TRIM71: variants seen among roughly 807,000 people sequenced by gnomAD.
The protein encoded by TRIM71 is tripartite motif containing 71.
A neutral mutation model predicts 61.2 loss-of-function variants in TRIM71; 9 were observed. The ratio of observed to expected loss-of-function variants is 0.15; its 90% CI spans 0.09 to 0.26. The LOEUF is 0.26. TRIM71 is among the 10% of genes least tolerant of loss of function. The probability of loss-of-function intolerance (pLI) is 1.00; values close to 1 mark genes in which losing one functional copy is unlikely to be tolerated. For synonymous variants in TRIM71, 645 were observed against 553.2 expected, an observed-to-expected ratio of 1.17 and a Z score of -2.33; for missense variants, 998 against 1,238.7, an observed-to-expected ratio of 0.81 and a Z score of 2.92.
At chr3:32,834,639 C>T (rs773723289) in intron 1 of TRIM71, among the ~76,000 whole-genome samples, 51 of 152,012 alleles carry the variant, frequency 3.4e-4, no homozygotes, top group Non-Finnish European at 5.4e-4. Flanking sequence ...GTCAAGAGAT[C>T]GAGACCATCC....
chr3:32,821,831 C>CG (rs1300092045), intron 1 of TRIM71, among the ~76,000 whole-genome samples: 1 of 151,534 alleles, frequency 6.6e-6, no homozygotes, highest in Non-Finnish European at 1.5e-5. Context: ...CGCCGCCGCC[C>CG]GGCCAGCCCG....
At chr3:32,826,267 T>C (rs961202471) in intron 1 of TRIM71, among the ~76,000 whole-genome samples, 1 of 152,114 alleles carries the variant, frequency 6.6e-6, no homozygotes, top group Non-Finnish European at 1.5e-5. Flanking sequence ...GAGACCAGCC[T>C]ACCAACATGG....
At chr3:32,884,922 G>A (rs563489099) in intron 2 of TRIM71, among the ~76,000 whole-genome samples, 5 of 152,222 alleles carry the variant, frequency 3.3e-5, no homozygotes, top group Non-Finnish European at 7.4e-5. Context: ...GGTTGGAGAG[G>A]ACCAGGAGCT....
rs1357515283 is a variant in TRIM71 at position 32,890,284 on chromosome 3, G to A, written c.1156-76G>A. ...TTTGTCTGATGCTTCCTTGTGATTA[G>A]TTGTGGCTTATGTGGTATTTTCTGT... On this transcript the variant is annotated intron_variant, in intron 3 of 3. Coordinates refer to ENST00000383763, the MANE Select transcript of TRIM71 (RefSeq NM_001039111.3). The surrounding 1 kb of genome is among the most constrained non-coding windows in gnomAD (Gnocchi z 6.2). 3 of 1,521,670 alleles carry A rather than the reference G, an allele frequency of 2.0e-6. No individual in the cohort carries two copies. The highest frequency in any genetic ancestry group is 3.9e-5 in the Admixed American group (2 of 51,512). The allele number at this position is 1,521,670 out of a possible 1,614,324, so 94.3% of individuals were successfully genotyped here.
chr3:32,818,513 G>C lies in TRIM71; in HGVS notation c.433G>C (p.Gly145Arg), dbSNP rs912472522. The C allele has an allele frequency of 1.4e-6, 2 of 1,415,910 alleles. No homozygotes were observed. The highest frequency in any genetic ancestry group is 6.0e-5 in the Admixed American group (2 of 33,232). 87.7% of individuals were successfully genotyped at this position (1,415,910 alleles called of 1,614,324 possible). The change falls in exon 1 of 4, where the codon GGC (glycine) becomes CGC (arginine). Residue 145 changes from glycine to arginine, a missense_variant. Transcript: ENST00000383763. ...GRAGAPAGAG[G>R]HSNHRHHAHH... ...CGCCGGCGCTCCGGCGGGAGCGGGC[G>C]GCCACAGCAACCACCGGCACCACGC...
At chr3:32,854,867 G>C (rs1696578316) in intron 1 of TRIM71, among the ~76,000 whole-genome samples, 1 of 152,188 alleles carries the variant, frequency 6.6e-6, no homozygotes, top group African/African-American at 2.4e-5. Context: ...CAGTGAACAA[G>C]ACGGAAAAGT....
chr3:32,825,782 C>A (rs774305441), intron 1 of TRIM71, among the ~76,000 whole-genome samples: 8 of 152,184 alleles, frequency 5.3e-5, no homozygotes, highest in Non-Finnish European at 1.2e-4. Flanking sequence ...CGCTTTTCTT[C>A]TTGACCTTTC....
At chr3:32,872,194 A>G (rs1048031768) in intron 1 of TRIM71, among the ~76,000 whole-genome samples, 6 of 152,210 alleles carry the variant, frequency 3.9e-5, no homozygotes, top group African/African-American at 1.4e-4. Context: ...CCTCCTGGTT[A>G]TAGCAGAACT....
intron 1 of TRIM71, among the ~76,000 whole-genome samples, chr3:32,832,794 T>G (rs866238901): frequency 5.9e-5 from 9 of 152,266 alleles, no homozygotes; most frequent in African/African-American, 2.2e-4. Context: ...TCTTCCTCCC[T>G]TCCTAGGGGG....
chr3:32,876,261 C>T (rs987592678), intron 2 of TRIM71, among the ~76,000 whole-genome samples: 3 of 152,108 alleles, frequency 2.0e-5, no homozygotes, highest in Non-Finnish European at 4.4e-5. Context: ...CCGGTGCCCT[C>T]GACACTGTGG....
chr3:32,831,839 T>C (rs1696275029), intron 1 of TRIM71, among the ~76,000 whole-genome samples: 1 of 152,192 alleles, frequency 6.6e-6, no homozygotes, highest in South Asian at 2.1e-4. Context: ...CACCCGGCTG[T>C]TATCTTCCTT....
intron 2 of TRIM71, among the ~76,000 whole-genome samples, chr3:32,877,355 C>T (rs567942482): frequency 9.9e-5 from 15 of 151,982 alleles, no homozygotes; most frequent in East Asian, 5.8e-4. Context: ...CCACCTGCCT[C>T]GGCTTTTCAA....
intron 1 of TRIM71, among the ~76,000 whole-genome samples, chr3:32,843,014 G>A (rs1696429738): frequency 2.0e-5 from 3 of 151,876 alleles, no homozygotes; most frequent in African/African-American, 4.8e-5. Flanking sequence ...TGTAATTGGA[G>A]GGCGGGGGTG....
chr3:32,882,857 A>C (rs1360218226), intron 2 of TRIM71, among the ~76,000 whole-genome samples: 1 of 152,094 alleles, frequency 6.6e-6, no homozygotes, highest in Non-Finnish European at 1.5e-5. Flanking sequence ...TTTTAATAGC[A>C]ATTCTTTTTC....
At position 32,826,582 on chromosome 3, in the gene TRIM71, C is replaced by CTTTTTTTTTTTTTTTT. The variant is rs71068090; in HGVS notation, c.852+7657_852+7672dup. On this transcript the variant is annotated intron_variant, in intron 1 of 3. Transcript: ENST00000383763. ...AACTTTAATTCCCATCAGGTGAGTTCTTTTTTTTTTTTTTTTTTTTTTGAG... is the reference window on the plus strand; with the variant it reads ...AACTTTAATTCCCATCAGGTGAGTTCTTTTTTTTTTTTTTTTTTTTTTTTTTTTTTTTTTTTTTGAG... Among the ~76,000 whole-genome samples the CTTTTTTTTTTTTTTTT allele has an allele frequency of 2.4e-5, 2 of 83,092 alleles. 1 individual carries two copies. The highest frequency in any genetic ancestry group is 1.0e-4 in the African/African-American group (2 of 19,382). 54.5% of individuals were successfully genotyped at this position (83,092 alleles called of 152,430 possible).
At chr3:32,888,479 C>T (rs1452857160) in intron 3 of TRIM71, among the ~76,000 whole-genome samples, 3 of 139,232 alleles carry the variant, frequency 2.2e-5, no homozygotes, top group Non-Finnish European at 3.1e-5. Flanking sequence ...AAAAAGGTGC[C>T]CTGTGGTGGT....
intron 1 of TRIM71, among the ~76,000 whole-genome samples, chr3:32,834,548 C>T (rs1013519922): frequency 3.9e-5 from 6 of 152,000 alleles, no homozygotes; most frequent in African/African-American, 1.5e-4. Flanking sequence ...CTAGTATAGC[C>T]AGTTTTAAAG....
intron 1 of TRIM71, among the ~76,000 whole-genome samples, chr3:32,843,562 T>G (rs1325990695): frequency 2.6e-5 from 4 of 152,166 alleles, no homozygotes; most frequent in African/African-American, 9.7e-5. Context: ...TCACCTCTCC[T>G]GCTAGCAGGT....
intron 3 of TRIM71, among the ~76,000 whole-genome samples, chr3:32,888,783 A>C (rs913630324): frequency 1.3e-5 from 2 of 152,070 alleles, no homozygotes; most frequent in African/African-American, 4.8e-5. Context: ...CAGGTGGTCC[A>C]CCCATCTTGG....
Sources: allele counts gnomAD v4.1 joint callset (sites outside exome capture counted in the v4.1 genomes callset), GRCh38; gene constraint gnomAD v4.1.1; non-coding constraint Gnocchi (gnomAD v3.1); transcripts MANE v1.5; gene names NCBI Gene and HGNC (gene_info 2026-07-23, HGNC 2026-07-21).